Variants in MAX observed in about 807,000 individuals in gnomAD.
The protein encoded by MAX is protein max.
In MAX, 3 loss-of-function variants were observed where a neutral mutation model predicts 22.3. That is an observed-to-expected ratio of 0.13 (90% CI 0.06 to 0.35). MAX has a LOEUF of 0.35. MAX is among the 10% of genes least tolerant of loss of function. MAX has a pLI of 1.00. For synonymous variants in MAX, 72 were observed against 77.7 expected (o/e 0.93, Z 0.39); for missense variants, 119 against 209.4 (o/e 0.57, Z 2.66).
chr14:65,021,749 G>T (rs148588763), intron 3 of MAX, among the ~76,000 whole-genome samples: 3 of 152,148 alleles, frequency 2.0e-5, no homozygotes, highest in African/African-American at 7.2e-5. Flanking sequence ...GGGTTCAAGC[G>T]ATTCTCGTGC....
chr14:65,024,701 A>G (rs1210287410), intron 3 of MAX, among the ~76,000 whole-genome samples: 1 of 152,164 alleles, frequency 6.6e-6, no homozygotes, highest in Non-Finnish European at 1.5e-5. Context: ...GTGTTTGTAC[A>G]ATGTTTTTTG....
rs527582270 is a variant in MAX, at chr14:65,011,415, C to T, written c.172-5131G>A. ...CTGCACTCCAGCCTGGGTGACAGAG[C>T]GAGACTCCGTCTCAGGAAAAAAAAA... On this transcript the variant is annotated intron_variant, in intron 3 of 3. Coordinates refer to the MAX transcript ENST00000341653. This position sits in a 1 kb window ranked among gnomAD's most constrained non-coding sequence, Gnocchi z 4.0. 1.6e-5 allele frequency among the ~76,000 whole-genome samples: 2 copies of T among 127,936 alleles called. No individual in the cohort carries two copies. Among genetic ancestry groups the T allele is most frequent in the East Asian group, 2.3e-4 (1 of 4,298 alleles). 83.9% of individuals were successfully genotyped at this position (127,936 alleles called of 152,430 possible).
Position 65,012,537 on chromosome 14 carries a change from C to A in MAX, c.172-6253G>T. The A allele has an allele frequency of 8.9e-7, 1 of 1,124,336 alleles. No homozygotes were observed. Among genetic ancestry groups the A allele is most frequent in the Non-Finnish European group, 1.3e-6 (1 of 792,556 alleles). The allele number at this position is 1,124,336 out of a possible 1,614,324, so 69.6% of individuals were successfully genotyped here. ...GCTCTGGCAGGAGGTAGGGTGCTGT[C>A]ACAGAGCTGGGACTCAGCCCTGAAA... On this transcript the variant is annotated intron_variant, in intron 3 of 3. Coordinates refer to the MAX transcript ENST00000341653. This position sits in a 1 kb window ranked among gnomAD's most constrained non-coding sequence, Gnocchi z 5.0.
rs540477169 is a variant in MAX, at chr14:65,079,929, C to T, written c.172-1893G>A. ...AACCATTTTTATCAGGTGCAAATTA[C>T]GTACAAGATACTAGGCAGATACTGT... is the stretch of plus-strand genomic sequence containing the variant. On this transcript the variant is annotated intron_variant, in intron 3 of 4. Coordinates refer to ENST00000358664, the MANE Select transcript of MAX (RefSeq NM_002382.5). The surrounding 1 kb of genome is among the most constrained non-coding windows in gnomAD (Gnocchi z 4.5). 2.6e-5 allele frequency among the ~76,000 whole-genome samples: 4 copies of T among 152,240 alleles called. No homozygotes were observed. Among genetic ancestry groups the T allele is most frequent in the South Asian group, 4.1e-4 (2 of 4,828 alleles).
Position 65,075,404 on chromosome 14 carries a change from A to G in MAX, c.*1072T>C. 1 of 1,063,164 alleles carries G rather than the reference A, an allele frequency of 9.4e-7. No individual in the cohort carries two copies. Among genetic ancestry groups the G allele is most frequent in the Non-Finnish European group, 1.1e-6 (1 of 877,602 alleles). 65.9% of individuals were successfully genotyped at this position (1,063,164 alleles called of 1,614,324 possible). On this transcript the variant is annotated 3_prime_UTR_variant, in exon 5 of 5. Transcript: ENST00000358664. This position sits in a 1 kb window ranked among gnomAD's most constrained non-coding sequence, Gnocchi z 4.1. Reference sequence around the variant, plus strand: ...GGATCACACAATGGAGACAGGTTCCAGGACAGTAGGAAAGGAAGTGGGATG... The same window carrying G: ...GGATCACACAATGGAGACAGGTTCCGGGACAGTAGGAAAGGAAGTGGGATG...
chr14:65,025,311 CTT>C (rs1310394116), intron 3 of MAX, among the ~76,000 whole-genome samples: 2 of 152,154 alleles, frequency 1.3e-5, no homozygotes, highest in Non-Finnish European at 2.9e-5. Flanking sequence ...CCAGGTGACT[CTT>C]TTTCTTTCTT....
In MAX at chr14:65,043,828, CAAAAAAAAAAAAAAAAAAAAA is replaced by C. The variant is rs749243788; in HGVS notation, c.172-37565_172-37545del. Among the ~76,000 whole-genome samples, 7 of 64,244 alleles carry C rather than the reference CAAAAAAAAAAAAAAAAAAAAA, an allele frequency of 1.1e-4. No individual in the cohort carries two copies. The East Asian group carries it at 2.1e-3, about 20-fold the overall frequency. 42.1% of individuals were successfully genotyped at this position (64,244 alleles called of 152,430 possible). ...TGGGCGACAGAGCGAGACTCCGTCT[CAAAAAAAAAAAAAAAAAAAAA>C]AAAAAAAAAAAGAAATGTAGTACCA... On this transcript the variant is annotated intron_variant, in intron 3 of 3. Coordinates refer to the MAX transcript ENST00000341653.
intron 3 of MAX, among the ~76,000 whole-genome samples, chr14:65,018,218 C>G (rs939347221): frequency 6.6e-6 from 1 of 152,008 alleles, no homozygotes; most frequent in African/African-American, 2.4e-5. Flanking sequence ...GTGCACACTT[C>G]TAGTTCTAGC....
rs1316162073 is a variant in MAX at position 65,022,102 on chromosome 14, T to C, written c.172-15818A>G. 12 of 455,832 alleles carry C rather than the reference T, an allele frequency of 2.6e-5. No homozygotes were observed. In the East Asian group the frequency reaches 7.6e-4, roughly 29 times the overall value. 28.2% of individuals were successfully genotyped at this position (455,832 alleles called of 1,614,324 possible). A position where few individuals can be genotyped will look rare whatever the true frequency, so the allele number is the denominator to read the frequency against. ...GATGCTGCCCGTCTTCACCTGTCCATTGTCATATTCTACCTAGGGAAGGAG... is the reference window on the plus strand; with the variant it reads ...GATGCTGCCCGTCTTCACCTGTCCACTGTCATATTCTACCTAGGGAAGGAG... On this transcript the variant is annotated intron_variant, in intron 3 of 3. Coordinates refer to the MAX transcript ENST00000341653.
Position 65,102,371 on chromosome 14 carries a change from G to A in MAX, c.-32C>T, listed in dbSNP as rs2139978484. On this transcript the variant is annotated 5_prime_UTR_variant, in exon 1 of 5. Transcript: ENST00000358664. ...CGGCCCAGGGAGCGGCCACTGCAGC[G>A]GCGGCGGGGAGGGGAAGGGGTGAAG... The A allele has an allele frequency of 2.5e-6, 4 of 1,612,156 alleles. No individual in the cohort carries two copies. Among genetic ancestry groups the A allele is most frequent in the Non-Finnish European group, 2.5e-6 (3 of 1,179,194 alleles).
chr14:65,025,966 G>A (rs1021572070), intron 3 of MAX, among the ~76,000 whole-genome samples: 5 of 152,208 alleles, frequency 3.3e-5, no homozygotes, highest in Admixed American at 6.5e-5. Flanking sequence ...AGGCAGCAGC[G>A]TTTGCTTTTG....
intron 3 of MAX, among the ~76,000 whole-genome samples, chr14:65,042,199 C>CG (rs1207782355): frequency 1.3e-5 from 2 of 151,104 alleles, no homozygotes; most frequent in African/African-American, 4.9e-5. Context: ...GGGGGTGGGA[C>CG]GGGGGGTGAT....
chr14:65,027,846 G>A lies in MAX; in HGVS notation c.172-21562C>T. The A allele has an allele frequency of 5.6e-6, 9 of 1,602,300 alleles. No individual in the cohort carries two copies. The highest frequency in any genetic ancestry group is 7.7e-6 in the Non-Finnish European group (9 of 1,172,282). ...CTAGAGCTCATCTGCCATTAGAGATGCCAAGCCTAAGGAACATCATGGGGA... is the reference window on the plus strand; with the variant it reads ...CTAGAGCTCATCTGCCATTAGAGATACCAAGCCTAAGGAACATCATGGGGA... On this transcript the variant is annotated intron_variant, in intron 3 of 3. Transcript: ENST00000341653. This position sits in a 1 kb window ranked among gnomAD's most constrained non-coding sequence, Gnocchi z 5.7.
rs1313608328 is a variant in MAX at position 65,014,363 on chromosome 14, C to T, written c.172-8079G>A. ...AGGCAGAATTAGTCAGTCTCTTCCA[C>T]GTGCTCCCTCAAAACTCTGTTTTCG... On this transcript the variant is annotated intron_variant, in intron 3 of 3. Coordinates refer to the MAX transcript ENST00000341653. The surrounding 1 kb of genome is among the most constrained non-coding windows in gnomAD (Gnocchi z 5.1). Among the ~76,000 whole-genome samples, 1 of 152,192 alleles carries T rather than the reference C, an allele frequency of 6.6e-6. No individual in the cohort carries two copies. The highest frequency in any genetic ancestry group is 2.4e-5 in the African/African-American group (1 of 41,444).
downstream of MAX, among the ~76,000 whole-genome samples, chr14:65,072,030 A>G (rs529080624): frequency 2.0e-5 from 3 of 152,158 alleles, no homozygotes; most frequent in Non-Finnish European, 4.4e-5. Flanking sequence ...TCTATTCGCT[A>G]TCTAGCAGTG....
chr14:65,040,719 C>T, intron 3 of MAX: 1 of 1,516,266 alleles, frequency 6.6e-7, no homozygotes, highest in Non-Finnish European at 8.9e-7. Context: ...TCTCTGCCAC[C>T]TAGGATGGTC....
At chr14:65,080,145 G>A (rs929003595) in intron 3 of MAX, among the ~76,000 whole-genome samples, 10 of 152,310 alleles carry the variant, frequency 6.6e-5, no homozygotes, top group Non-Finnish European at 1.0e-4. Flanking sequence ...TGTGTGCTAC[G>A]CATTGGCCTT....
rs1243469814 is a variant in MAX at position 65,012,659 on chromosome 14, T to C, written c.172-6375A>G. ...TGATGACTAAGGGGTTCACGTGCTT[T>C]ATCTAGACCTCCTTGACAGCTGGCT... On this transcript the variant is annotated intron_variant, in intron 3 of 3. Coordinates refer to the MAX transcript ENST00000341653. The surrounding 1 kb of genome is among the most constrained non-coding windows in gnomAD (Gnocchi z 5.0). Among the ~76,000 whole-genome samples, 1 of 152,250 alleles carries C rather than the reference T, an allele frequency of 6.6e-6. No individual in the cohort carries two copies. The highest frequency in any genetic ancestry group is 6.5e-5 in the Admixed American group (1 of 15,290).
Position 65,054,734 on chromosome 14 carries a change from C to A in MAX, c.171+38974G>T. ...TCACACCCCTTCTCCACAGGGACCT[C>A]GCGGACAGAAGGCTTTCCAAGTAAG... On this transcript the variant is annotated intron_variant, in intron 3 of 3. Coordinates refer to the MAX transcript ENST00000341653. The surrounding 1 kb of genome is among the most constrained non-coding windows in gnomAD (Gnocchi z 4.4). 2 of 1,556,804 alleles carry A rather than the reference C, an allele frequency of 1.3e-6. No homozygotes were observed. Among genetic ancestry groups the A allele is most frequent in the South Asian group, 1.2e-5 (1 of 85,374 alleles).
Sources: allele counts gnomAD v4.1 joint callset (sites outside exome capture counted in the v4.1 genomes callset), GRCh38; gene constraint gnomAD v4.1.1; non-coding constraint Gnocchi (gnomAD v3.1); transcripts MANE v1.5; gene names NCBI Gene and HGNC (gene_info 2026-07-23, HGNC 2026-07-21).